The following EDEM3 variants were observed in gnomAD, a reference collection of about 807,000 sequenced individuals.
EDEM3 encodes the protein ER degradation enhancing alpha-mannosidase like protein 3, also known as ER degradation-enhancing alpha-mannosidase-like protein 3.
In EDEM3, 60 loss-of-function variants were observed where a neutral mutation model predicts 110.2. The observed-to-expected ratio is 0.54, with a 90% CI of 0.44 to 0.67. The LOEUF is 0.67. EDEM3 is among the 30% of genes least tolerant of loss of function. EDEM3 has a pLI of 0.00. For missense variants in EDEM3, 996 were observed against 1,121.0 expected, an observed-to-expected ratio of 0.89 and a Z score of 1.59; for synonymous variants, 352 against 382.9, an observed-to-expected ratio of 0.92 and a Z score of 0.94.
chr1:184,737,645 G>A lies in EDEM3; in HGVS notation c.271C>T (p.Pro91Ser), dbSNP rs1651907852. The A allele has an allele frequency of 6.2e-7, 1 of 1,613,860 alleles. No homozygotes were observed. The highest frequency in any genetic ancestry group is 1.7e-5 in the Admixed American group (1 of 59,992). Reference protein sequence around the residue: ...TCRGRVRGQEPSRGDVDDALG... With the variant: ...TCRGRVRGQESSRGDVDDALG... ...GCATCATCAACGTCACCGCGACTTG[G>A]CTCTTGGCCTCTAACTCGACCTCTA... is the stretch of plus-strand genomic sequence containing the variant. Residue 91 changes from proline (P) to serine (S), a missense_variant, in exon 3 of 20, where the codon CCA becomes TCA. Pro to Ser is a moderately conservative substitution (Grantham distance 74). Coordinates refer to ENST00000318130, the MANE Select transcript of EDEM3 (RefSeq NM_025191.4).
At chr1:184,732,390 T>C (rs1651579615) in intron 6 of EDEM3, among the ~76,000 whole-genome samples, 1 of 152,096 alleles carries the variant, frequency 6.6e-6, no homozygotes, top group Non-Finnish European at 1.5e-5. Flanking sequence ...ATGAATAAGA[T>C]ACAGTATTTA....
At chr1:184,707,896 T>C (rs1299677917) in intron 17 of EDEM3, among the ~76,000 whole-genome samples, 1 of 152,180 alleles carries the variant, frequency 6.6e-6, no homozygotes, top group Non-Finnish European at 1.5e-5. Flanking sequence ...CAATTACAGG[T>C]ATTAAATTAG....
chr1:184,729,140 G>A (rs1651356863), intron 6 of EDEM3, among the ~76,000 whole-genome samples: 1 of 152,058 alleles, frequency 6.6e-6, no homozygotes, highest in Non-Finnish European at 1.5e-5. Context: ...GTAATAAGGA[G>A]CTTATTGTCC....
In EDEM3 at chr1:184,711,920, T is replaced by C. The variant is rs576928804; in HGVS notation, c.1537-43A>G. 172 of 1,514,054 alleles carry C rather than the reference T, an allele frequency of 1.1e-4. 1 individual carries two copies. The South Asian group carries it at 2.2e-3, about 19-fold the overall frequency. The allele number at this position is 1,514,054 out of a possible 1,614,324, so 93.8% of individuals were successfully genotyped here. A position where few individuals can be genotyped will look rare whatever the true frequency, so the allele number is the denominator to read the frequency against. ...TTTATGTAAACAGAAATAATTATTTTACTTAACATAATTTTTTTTTTTTTG... is the reference window on the plus strand; with the variant it reads ...TTTATGTAAACAGAAATAATTATTTCACTTAACATAATTTTTTTTTTTTTG... On this transcript the variant is annotated intron_variant, in intron 14 of 19. Transcript: ENST00000318130.
At chr1:184,712,664 G>T (rs1650319945) in intron 13 of EDEM3, 66 bp from the exon 14 acceptor site, 2 of 1,128,666 alleles carry the variant, frequency 1.8e-6, no homozygotes, top group African/African-American at 3.2e-5. Context: ...CTATATGAAA[G>T]CCATAGAGTC....
intron 12 of EDEM3, 97 bp downstream of exon 12, chr1:184,717,443 A>G: frequency 1.2e-6 from 1 of 855,150 alleles, no homozygotes; most frequent in Non-Finnish European, 1.8e-6. Flanking sequence ...TAATATTAAA[A>G]GGGGACTCTG....
chr1:184,712,466 A>C lies in EDEM3; in HGVS notation c.1503T>G (p.Ser501=). Residue 501 remains serine, a synonymous_variant, in exon 14 of 20, where the codon TCT becomes TCG. Transcript: ENST00000318130. The part of the protein sequence containing the change: ...TEAHLLPLWL[S]TTNQSISKKN... ...TTTTAGAGATGCTTTGATTTGTAGT[A>C]GAGAGCCAAAGAGGTAACAGATGAG... The C allele has an allele frequency of 6.2e-7, 1 of 1,601,026 alleles. No homozygotes were observed. The highest frequency in any genetic ancestry group is 1.8e-5 in the Admixed American group (1 of 56,622).
rs753068002 is a variant in EDEM3, at chr1:184,732,923, T to G, written c.526A>C (p.Asn176His). The G allele has an allele frequency of 1.2e-6, 2 of 1,614,038 alleles. No homozygotes were observed. Among genetic ancestry groups the G allele is most frequent in the Non-Finnish European group, 1.7e-6 (2 of 1,180,012 alleles). The change falls in exon 6 of 20, where the codon AAT becomes CAT. Residue 176 changes from asparagine to histidine, a missense_variant. Coordinates refer to ENST00000318130, the MANE Select transcript of EDEM3 (RefSeq NM_025191.4). ...KEKGEYMQWY[N>H]DELLQMAKQL... ...TTTGCCATTTGGAGAAGTTCATCAT[T>G]GTACCACTGCATATATTCACCTTTT...
At chr1:184,734,401 G>C (rs1337466393) in intron 5 of EDEM3, 130 bp downstream of exon 5, 1 of 269,024 alleles carries the variant, frequency 3.7e-6, no homozygotes, top group Non-Finnish European at 6.9e-6. Context: ...CCCGGGAGGC[G>C]GAGGCTGCAG....
At chr1:184,717,726 G>C in intron 11 of EDEM3, 103 bp from the exon 12 acceptor site, 1 of 718,790 alleles carries the variant, frequency 1.4e-6, no homozygotes, top group Non-Finnish European at 2.1e-6. Flanking sequence ...AATTAAAATA[G>C]CAATCAGGAC....
chr1:184,713,772 G>A (rs1650392893), intron 13 of EDEM3, among the ~76,000 whole-genome samples: 1 of 152,116 alleles, frequency 6.6e-6, no homozygotes, highest in Non-Finnish European at 1.5e-5. Context: ...GTCACCATGG[G>A]GATATTATAT....
intron 2 of EDEM3, among the ~76,000 whole-genome samples, chr1:184,741,004 T>C (rs1006153824): frequency 2.0e-5 from 3 of 152,038 alleles, no homozygotes; most frequent in African/African-American, 4.8e-5. Flanking sequence ...ATTCACCAAG[T>C]ATAGAAAAGA....
intron 16 of EDEM3, among the ~76,000 whole-genome samples, chr1:184,708,808 A>G (rs1650071071): frequency 6.6e-6 from 1 of 152,228 alleles, no homozygotes; most frequent in Non-Finnish European, 1.5e-5. Flanking sequence ...CCTTTAAGAA[A>G]TTTGTGTCTG....
chr1:184,744,146 A>G (rs1295576973), intron 2 of EDEM3, among the ~76,000 whole-genome samples: 3 of 150,964 alleles, frequency 2.0e-5, no homozygotes, highest in Non-Finnish European at 4.4e-5. Flanking sequence ...TAGAATGTAA[A>G]GCACAGACTG....
chr1:184,735,250 A>G (rs529689218), intron 4 of EDEM3, among the ~76,000 whole-genome samples: 13 of 152,330 alleles, frequency 8.5e-5, no homozygotes, highest in South Asian at 4.1e-4. Flanking sequence ...ATCTATAAAA[A>G]GAGGAAATAC....
chr1:184,726,721 C>G (rs1651213480), intron 6 of EDEM3, among the ~76,000 whole-genome samples: 1 of 152,088 alleles, frequency 6.6e-6, no homozygotes, highest in Non-Finnish European at 1.5e-5. Context: ...CAATTTTGTT[C>G]TCTGGACAGT....
chr1:184,732,747 G>A (rs887420906), intron 6 of EDEM3, 90 bp downstream of exon 6: 8 of 1,294,816 alleles, frequency 6.2e-6, no homozygotes, highest in Non-Finnish European at 8.3e-6. Context: ...GCCTCAAGCT[G>A]GTGAAGAACA....
At position 184,732,776 on chromosome 1, in the gene EDEM3, C is replaced by T. The variant is rs183734399; in HGVS notation, c.612+61G>A. 6.0e-6 allele frequency: 9 copies of T among 1,503,180 alleles called. No homozygotes were observed. The Admixed American group carries it at 1.6e-4, about 27-fold the overall frequency. 93.1% of individuals were successfully genotyped at this position (1,503,180 alleles called of 1,614,324 possible). A position where few individuals can be genotyped will look rare whatever the true frequency, so the allele number is the denominator to read the frequency against. On this transcript the variant is annotated intron_variant, in intron 6 of 19. Coordinates refer to ENST00000318130, the MANE Select transcript of EDEM3 (RefSeq NM_025191.4). ...AAGAACAATGGCTCTGATCACAAAA[C>T]TTCATTTTGTAAAACAGCAAAGAAA...
intron 5 of EDEM3, among the ~76,000 whole-genome samples, chr1:184,733,567 C>T (rs1195859903): frequency 2.6e-5 from 4 of 152,176 alleles, no homozygotes; most frequent in Non-Finnish European, 4.4e-5. Flanking sequence ...CAGTGGCTCA[C>T]GCCTATAATC....
Sources: allele counts gnomAD v4.1 joint callset (sites outside exome capture counted in the v4.1 genomes callset), GRCh38; gene constraint gnomAD v4.1.1; transcripts MANE v1.5; gene names NCBI Gene and HGNC (gene_info 2026-07-23, HGNC 2026-07-21).